Variants in RBFOX1 observed in about 807,000 individuals in gnomAD.
RBFOX1 encodes RNA binding fox-1 homolog 1, also known as RNA binding protein fox-1 homolog 1.
RBFOX1 carries 8 observed loss-of-function variants against 57.7 expected under a neutral mutation model. The ratio of observed to expected loss-of-function variants is 0.14; its 90% CI spans 0.08 to 0.25. RBFOX1 has a LOEUF of 0.25. Ranked by LOEUF, RBFOX1 falls within the 10% of genes least tolerant of loss-of-function variation. The pLI, the probability that RBFOX1 is intolerant of heterozygous loss-of-function variation, is 1.00. For missense variants in RBFOX1, 611 were observed against 548.5 expected, an observed-to-expected ratio of 1.11 and a Z score of -1.14; for synonymous variants, 326 against 222.4, an observed-to-expected ratio of 1.47 and a Z score of -4.15.
chr16:7,338,230 A>G (rs2096829738), intron 4 of RBFOX1, among the ~76,000 whole-genome samples: 1 of 144,774 alleles, frequency 6.9e-6, no homozygotes, highest in Admixed American at 7.1e-5. Context: ...GGCAATTATC[A>G]TTTACCGTTT....
At chr16:6,095,371 C>T (rs963283661) in intron 1 of RBFOX1, among the ~76,000 whole-genome samples, 1 of 152,188 alleles carries the variant, frequency 6.6e-6, no homozygotes, top group African/African-American at 2.4e-5. Context: ...TCATGAAACT[C>T]CAACACCTCA....
chr16:6,206,702 T>C (rs2097257562), intron 1 of RBFOX1, among the ~76,000 whole-genome samples: 1 of 152,222 alleles, frequency 6.6e-6, no homozygotes, highest in Non-Finnish European at 1.5e-5. Context: ...CATATACTCA[T>C]CACCCAGCTT....
At chr16:6,423,773 A>T (rs1035510150) in intron 2 of RBFOX1, among the ~76,000 whole-genome samples, 2 of 152,110 alleles carry the variant, frequency 1.3e-5, no homozygotes, top group Non-Finnish European at 2.9e-5. Context: ...TTCAGCTACG[A>T]CGCAGCACTG....
chr16:6,979,040 A>C (rs1374511907), intron 3 of RBFOX1, among the ~76,000 whole-genome samples: 1 of 152,190 alleles, frequency 6.6e-6, no homozygotes, highest in Non-Finnish European at 1.5e-5. Flanking sequence ...AGATAATACA[A>C]AAGTTATTAT....
At chr16:5,911,225 C>T (rs927668884) in intron 4 of RBFOX1, among the ~76,000 whole-genome samples, 3 of 152,152 alleles carry the variant, frequency 2.0e-5, no homozygotes, top group African/African-American at 7.2e-5. Flanking sequence ...TCTCTAGGGC[C>T]TCCCACTTGA....
chr16:7,639,490 G>GT (rs1158800530), intron 11 of RBFOX1, among the ~76,000 whole-genome samples: 2 of 152,098 alleles, frequency 1.3e-5, no homozygotes, highest in Non-Finnish European at 2.9e-5. Context: ...CTTTATTGAA[G>GT]TTTTTTCTAT....
intron 2 of RBFOX1, among the ~76,000 whole-genome samples, chr16:5,566,670 G>C (rs900080544): frequency 1.0e-3 from 54 of 51,548 alleles, no homozygotes; most frequent in African/African-American, 6.6e-3. Context: ...ATGTATATGT[G>C]TGTATATATG....
chr16:7,289,723 T>C (rs900457137), intron 4 of RBFOX1, among the ~76,000 whole-genome samples: 1 of 152,192 alleles, frequency 6.6e-6, no homozygotes, highest in Non-Finnish European at 1.5e-5. Flanking sequence ...TCCTAGGTGC[T>C]AAGGGGTTGC....
At chr16:5,991,645 G>GTTTCTTTTTTT (rs1567229409) in intron 4 of RBFOX1, among the ~76,000 whole-genome samples, 3 of 123,930 alleles carry the variant, frequency 2.4e-5, no homozygotes, top group Non-Finnish European at 3.5e-5. Context: ...TTATTAGATA[G>GTTTCTTTTTTT]TTTTTTTTTT....
At chr16:7,179,334 TC>T (rs1266552899) in intron 4 of RBFOX1, among the ~76,000 whole-genome samples, 8 of 152,108 alleles carry the variant, frequency 5.3e-5, no homozygotes, top group African/African-American at 1.9e-4. Flanking sequence ...AGCACCGCTT[TC>T]CCCTTACCCC....
intron 1 of RBFOX1, among the ~76,000 whole-genome samples, chr16:5,455,352 T>C (rs1398709664): frequency 6.6e-6 from 1 of 152,048 alleles, no homozygotes; most frequent in Non-Finnish European, 1.5e-5. Flanking sequence ...CTTTTTATGA[T>C]ATGGCTTCAG....
intron 1 of RBFOX1, among the ~76,000 whole-genome samples, chr16:5,311,136 C>G (rs138004337): frequency 1.5e-4 from 23 of 152,282 alleles, no homozygotes; most frequent in Non-Finnish European, 2.6e-4. Context: ...ATAATGGCCT[C>G]TAGCTCCATC....
At chr16:7,440,361 G>A (rs1345984429) in intron 4 of RBFOX1, among the ~76,000 whole-genome samples, 6 of 152,150 alleles carry the variant, frequency 3.9e-5, no homozygotes, top group African/African-American at 1.2e-4. Flanking sequence ...GTAAGCTTTC[G>A]AGGAGGGGGA....
chr16:5,568,713 C>G (rs1289760942), intron 2 of RBFOX1, among the ~76,000 whole-genome samples: 4 of 152,196 alleles, frequency 2.6e-5, no homozygotes, highest in Non-Finnish European at 5.9e-5. Context: ...TTCTTCTGCT[C>G]TCAGATTTGC....
At chr16:7,340,671 A>G (rs555788438) in intron 4 of RBFOX1, among the ~76,000 whole-genome samples, 74 of 152,328 alleles carry the variant, frequency 4.9e-4, no homozygotes, top group Non-Finnish European at 9.3e-4. Context: ...GCATAAATAA[A>G]TATATTAAAA....
chr16:7,118,894 CTGT>C (rs1466042199), intron 4 of RBFOX1, among the ~76,000 whole-genome samples: 1 of 152,108 alleles, frequency 6.6e-6, no homozygotes, highest in Non-Finnish European at 1.5e-5. Context: ...GATCTCTTAA[CTGT>C]TGTTGTTCTG....
intron 3 of RBFOX1, among the ~76,000 whole-genome samples, chr16:6,859,125 A>ATATATG (rs2058454814): frequency 1.5e-5 from 1 of 66,328 alleles, no homozygotes; most frequent in Non-Finnish European, 2.6e-5. Context: ...ATATATATAT[A>ATATATG]TATACATATA....
At chr16:5,686,816 C>T (rs1276827657) in intron 3 of RBFOX1, among the ~76,000 whole-genome samples, 1 of 152,178 alleles carries the variant, frequency 6.6e-6, no homozygotes, top group Non-Finnish European at 1.5e-5. Context: ...AAAACTGCTT[C>T]TAGTTCTGAC....
At chr16:6,487,283 A>G (rs917957590) in intron 2 of RBFOX1, among the ~76,000 whole-genome samples, 2 of 152,084 alleles carry the variant, frequency 1.3e-5, no homozygotes, top group East Asian at 1.9e-4. Flanking sequence ...AGAAAGCCCA[A>G]TTTCACTGCC....
Sources: gnomAD v4.1 joint callset for allele counts (sites outside exome capture counted in the v4.1 genomes callset) on GRCh38, gnomAD v4.1.1 for gene constraint, MANE v1.5 for transcripts, NCBI Gene and HGNC (gene_info 2026-07-23, HGNC 2026-07-21) for gene names.